CMSS1: variants seen among roughly 807,000 people sequenced by gnomAD.
The protein encoded by CMSS1 is protein CMSS1.
A neutral mutation model predicts 43.5 loss-of-function variants in CMSS1; 33 were observed. The ratio of observed to expected loss-of-function variants is 0.76; its 90% CI spans 0.57 to 1.01. The LOEUF (loss-of-function observed/expected upper bound fraction) is 1.01, where lower values mean the gene tolerates loss of function less well. Ranked by LOEUF, CMSS1 falls within the 50% of genes least tolerant of loss-of-function variation. The pLI is 0.00. For synonymous variants in CMSS1, 115 were observed against 117.2 expected (o/e 0.98, Z 0.12); for missense variants, 313 against 326.4 (o/e 0.96, Z 0.32).
intron 1 of CMSS1, among the ~76,000 whole-genome samples, chr3:99,956,530 A>G (rs577079632): frequency 2.0e-5 from 3 of 152,126 alleles, no homozygotes; most frequent in Non-Finnish European, 4.4e-5. Context: ...TGATGAGATT[A>G]TAGATGGGGT....
chr3:99,862,743 G>C (rs751183042), intron 1 of CMSS1, among the ~76,000 whole-genome samples: 2 of 152,132 alleles, frequency 1.3e-5, no homozygotes, highest in African/African-American at 4.8e-5. Flanking sequence ...CTTTGTGTTC[G>C]TTGTCTCTGG....
chr3:100,125,114 G>A lies in CMSS1; in HGVS notation c.65-21859G>A, dbSNP rs921284488. ...TCTTTATTGGGAGAGGTCAGTCTTCGGAAGTGAAAGAAATATATAAATGCA... is the reference window on the plus strand; with the variant it reads ...TCTTTATTGGGAGAGGTCAGTCTTCAGAAGTGAAAGAAATATATAAATGCA... On this transcript the variant is annotated intron_variant, in intron 1 of 9. Transcript: ENST00000421999. Among the ~76,000 whole-genome samples, 5 of 152,238 alleles carry A rather than the reference G, an allele frequency of 3.3e-5. 1 individual carries two copies. The highest frequency in any genetic ancestry group is 7.2e-5 in the African/African-American group (3 of 41,554).
intron 1 of CMSS1, among the ~76,000 whole-genome samples, chr3:100,099,784 G>T (rs151098409): frequency 6.6e-6 from 1 of 152,104 alleles, no homozygotes. Context: ...AACCTAACAG[G>T]CCACCAAGGA....
intron 1 of CMSS1, among the ~76,000 whole-genome samples, chr3:99,868,348 A>G (rs1157651404): frequency 6.6e-6 from 1 of 152,180 alleles, no homozygotes; most frequent in African/African-American, 2.4e-5. Flanking sequence ...TCCACTTCAC[A>G]GCTGGGTGTC....
chr3:99,829,565 T>A (rs992962828), intron 1 of CMSS1, among the ~76,000 whole-genome samples: 1 of 152,226 alleles, frequency 6.6e-6, no homozygotes, highest in Non-Finnish European at 1.5e-5. Flanking sequence ...GATTGATGAA[T>A]GCAAAGCTCG....
chr3:100,089,996 C>A (rs929395151), intron 1 of CMSS1, among the ~76,000 whole-genome samples: 1 of 152,172 alleles, frequency 6.6e-6, no homozygotes, highest in Non-Finnish European at 1.5e-5. Flanking sequence ...CCTACTCCCC[C>A]GCAACTGCAA....
rs2064896131 is a variant in CMSS1 at position 100,025,173 on chromosome 3, T to G, written c.65-121800T>G. Reference sequence around the variant, plus strand: ...ATACTTAGCTAAAAGAGAGAAAGGCTGAGTGGAAGAATTTTCCTATGCCTA... The same window carrying G: ...ATACTTAGCTAAAAGAGAGAAAGGCGGAGTGGAAGAATTTTCCTATGCCTA... On this transcript the variant is annotated intron_variant, in intron 1 of 9. Coordinates refer to ENST00000421999, the MANE Select transcript of CMSS1 (RefSeq NM_032359.4). Among the ~76,000 whole-genome samples, 3 of 152,210 alleles carry G rather than the reference T, an allele frequency of 2.0e-5. No individual in the cohort carries two copies. In the South Asian group the frequency reaches 6.2e-4, roughly 32 times the overall value.
chr3:99,969,303 G>A (rs912084665), intron 1 of CMSS1, among the ~76,000 whole-genome samples: 1 of 152,160 alleles, frequency 6.6e-6, no homozygotes, highest in African/African-American at 2.4e-5. Context: ...AGCCTTGTTT[G>A]GGCTCTTGAG....
At chr3:99,884,278 C>A (rs991957455) in intron 1 of CMSS1, among the ~76,000 whole-genome samples, 1 of 152,046 alleles carries the variant, frequency 6.6e-6, no homozygotes, top group Admixed American at 6.6e-5. Context: ...GTCTTCTCTC[C>A]CTTTTTATTT....
intron 5 of CMSS1, among the ~76,000 whole-genome samples, chr3:100,167,399 T>C (rs1388041323): frequency 6.6e-6 from 1 of 152,234 alleles, no homozygotes; most frequent in Non-Finnish European, 1.5e-5. Context: ...TTTAACATGA[T>C]TGAATCAGCA....
intron 1 of CMSS1, among the ~76,000 whole-genome samples, chr3:99,976,553 A>C (rs562202819): frequency 1.3e-5 from 2 of 152,290 alleles, no homozygotes; most frequent in South Asian, 2.1e-4. Flanking sequence ...ACCACATTGA[A>C]GATACCACTT....
chr3:100,125,848 C>G (rs1039249192), intron 1 of CMSS1, among the ~76,000 whole-genome samples: 1 of 152,104 alleles, frequency 6.6e-6, no homozygotes, highest in African/African-American at 2.4e-5. Flanking sequence ...ATAAACTAGC[C>G]AGTGTAAATA....
At chr3:99,974,709 A>AAACAACAACAAC (rs371476675) in intron 1 of CMSS1, among the ~76,000 whole-genome samples, 1 of 151,912 alleles carries the variant, frequency 6.6e-6, no homozygotes, top group Non-Finnish European at 1.5e-5. Flanking sequence ...CTCCATCTCA[A>AAACAACAACAAC]AACAACAACA....
intron 1 of CMSS1, among the ~76,000 whole-genome samples, chr3:100,009,122 C>T (rs552644868): frequency 6.6e-6 from 1 of 152,070 alleles, no homozygotes; most frequent in Non-Finnish European, 1.5e-5. Flanking sequence ...AGAATATTCC[C>T]GAATGAGAAT....
At chr3:100,095,786 T>G (rs952260489) in intron 1 of CMSS1, among the ~76,000 whole-genome samples, 1 of 152,026 alleles carries the variant, frequency 6.6e-6, no homozygotes, top group African/African-American at 2.4e-5. Context: ...CACATCAACT[T>G]AAAAAGCTTC....
At chr3:100,050,849 T>C (rs1348791072) in intron 1 of CMSS1, among the ~76,000 whole-genome samples, 1 of 152,154 alleles carries the variant, frequency 6.6e-6, no homozygotes, top group Non-Finnish European at 1.5e-5. Context: ...TTTTGTTAAA[T>C]TAGCGGCTTT....
At chr3:100,172,189 A>G (rs2067115814) in intron 7 of CMSS1, 127 bp from the exon 8 acceptor site, 6 of 802,424 alleles carry the variant, frequency 7.5e-6, no homozygotes, top group African/African-American at 5.2e-5. Flanking sequence ...CTGGAAGTCG[A>G]CCCTACACAA....
At chr3:99,913,298 C>A (rs893062657) in intron 1 of CMSS1, among the ~76,000 whole-genome samples, 1 of 152,238 alleles carries the variant, frequency 6.6e-6, no homozygotes, top group African/African-American at 2.4e-5. Flanking sequence ...TTTTCCAATG[C>A]ACCATTTTAC....
At chr3:99,896,606 A>G (rs1410669692) in intron 1 of CMSS1, among the ~76,000 whole-genome samples, 2 of 152,196 alleles carry the variant, frequency 1.3e-5, no homozygotes, top group South Asian at 2.1e-4. Context: ...AACAACAACT[A>G]TTTTGATGGG....
Sources: gnomAD v4.1 joint callset for allele counts (sites outside exome capture counted in the v4.1 genomes callset) on GRCh38, gnomAD v4.1.1 for gene constraint, MANE v1.5 for transcripts, NCBI Gene and HGNC (gene_info 2026-07-23, HGNC 2026-07-21) for gene names.